The following TARBP1 variants were observed in gnomAD, a reference collection of about 807,000 sequenced individuals.
TARBP1 encodes tRNA (guanosine(18)-2'-O)-methyltransferase TARBP1.
A neutral mutation model predicts 178.6 loss-of-function variants in TARBP1; 144 were observed. That is an observed-to-expected ratio of 0.81 (90% CI 0.70 to 0.93). TARBP1 has a LOEUF of 0.93. TARBP1 is among the 40% of genes least tolerant of loss of function. TARBP1 has a pLI of 0.00. For synonymous variants in TARBP1, 787 were observed against 781.0 expected, an observed-to-expected ratio of 1.01 and a Z score of -0.13; for missense variants, 2,067 against 2,011.7, an observed-to-expected ratio of 1.03 and a Z score of -0.53.
At chr1:234,470,638 A>AG (rs1668951951) in intron 3 of TARBP1, among the ~76,000 whole-genome samples, 1 of 87,268 alleles carries the variant, frequency 1.1e-5, no homozygotes, top group East Asian at 7.4e-3. Context: ...TTTTTTTGAG[A>AG]CGGAGTCTTG....
At chr1:234,458,096 C>A (rs151167848) in intron 8 of TARBP1, among the ~76,000 whole-genome samples, 2,842 of 152,016 alleles carry the variant, frequency 0.019, 93 homozygotes, top group African/African-American at 0.065. Flanking sequence ...GTAATCCCAG[C>A]ACATTGGGAG....
rs1669890363 is a variant in TARBP1 at position 234,479,126 on chromosome 1, GCCCGGGCT to G, written c.-31_-24del. On this transcript the variant is annotated 5_prime_UTR_variant, in exon 1 of 30. Coordinates refer to ENST00000040877, the MANE Select transcript of TARBP1 (RefSeq NM_005646.4). ...CATTTGCCGAGCGCCCGCGCCACCG[GCCCGGGCT>G]CCCAAAGGAAGGCGCCGGCGTGTGC... The G allele has an allele frequency of 1.3e-6, 2 of 1,511,736 alleles. No homozygotes were observed. The highest frequency in any genetic ancestry group is 1.4e-5 in the African/African-American group (1 of 69,072). 93.6% of individuals were successfully genotyped at this position (1,511,736 alleles called of 1,614,324 possible). A position where few individuals can be genotyped will look rare whatever the true frequency, so the allele number is the denominator to read the frequency against.
chr1:234,457,134 A>G (rs1667359178), intron 9 of TARBP1, among the ~76,000 whole-genome samples: 1 of 152,220 alleles, frequency 6.6e-6, no homozygotes, highest in South Asian at 2.1e-4. Flanking sequence ...ACAAGACATC[A>G]TCACAAGGGA....
chr1:234,472,358 C>G (rs1450352056), intron 2 of TARBP1, among the ~76,000 whole-genome samples: 4 of 73,548 alleles, frequency 5.4e-5, no homozygotes, highest in African/African-American at 1.0e-4. Context: ...AAAAAAAAAA[C>G]TCAAAAGTCC....
At chr1:234,433,630 T>C (rs2103145044) in intron 13 of TARBP1, 59 bp from the exon 14 acceptor site, 1 of 1,506,774 alleles carries the variant, frequency 6.6e-7, no homozygotes, top group Non-Finnish European at 9.0e-7. Flanking sequence ...TTCACAAAAC[T>C]ACAAGCCTTC....
At chr1:234,423,787 ACT>A (rs1663388959) in intron 20 of TARBP1, among the ~76,000 whole-genome samples, 1 of 140,934 alleles carries the variant, frequency 7.1e-6, no homozygotes, top group African/African-American at 2.7e-5. Context: ...AGTCTCACTC[ACT>A]GTGTTGCCCA....
chr1:234,461,236 A>G (rs527751734), intron 6 of TARBP1, among the ~76,000 whole-genome samples: 60 of 152,358 alleles, frequency 3.9e-4, no homozygotes, highest in African/African-American at 1.4e-3. Context: ...GTTTAGTAAG[A>G]TAAGTATTCT....
intron 26 of TARBP1, among the ~76,000 whole-genome samples, chr1:234,394,278 A>C (rs575430454): frequency 1.3e-5 from 2 of 152,352 alleles, no homozygotes; most frequent in African/African-American, 4.8e-5. Context: ...AAAATATCTA[A>C]AATAATTTTA....
Position 234,478,757 on chromosome 1 carries a change from A to G in TARBP1, c.347T>C (p.Leu116Pro). The stretch of plus-strand genomic sequence containing the variant: ...CGCCTCCTCAGCCAGCGCGGCCGCC[A>G]GCTGCGGACGCCCGGCCAGGCGGAC... The part of the protein sequence containing the change: ...SCVRLAGRPQ[L>P]AAALAEEALR... Residue 116 changes from leucine (L) to proline (P), a missense_variant, in exon 1 of 30, where the codon CTG (leucine) becomes CCG (proline). Coordinates refer to ENST00000040877, the MANE Select transcript of TARBP1 (RefSeq NM_005646.4). 8.8e-7 allele frequency: 1 copy of G among 1,134,858 alleles called. No individual in the cohort carries two copies. Among genetic ancestry groups the G allele is most frequent in the Non-Finnish European group, 1.1e-6 (1 of 928,698 alleles). 70.3% of individuals were successfully genotyped at this position (1,134,858 alleles called of 1,614,324 possible).
chr1:234,398,371 T>C lies in TARBP1; in HGVS notation c.4243+11A>G, dbSNP rs746873959. ...ACAAGGGGAAAAAATAAAATGAAAA[T>C]TATTTTTTACCTATGTCTTGCTGAG... On this transcript the variant is annotated intron_variant, in intron 26 of 29. Transcript: ENST00000040877. 3 of 1,555,642 alleles carry C rather than the reference T, an allele frequency of 1.9e-6. No homozygotes were observed.
At chr1:234,445,071 G>C (rs1303797480) in intron 12 of TARBP1, among the ~76,000 whole-genome samples, 1 of 152,012 alleles carries the variant, frequency 6.6e-6, no homozygotes, top group Non-Finnish European at 1.5e-5. Context: ...GCCCCAAATT[G>C]CTTCCGTTGA....
Position 234,478,481 on chromosome 1 carries a change from C to A in TARBP1, c.623G>T (p.Arg208Leu). 1 of 1,381,914 alleles carries A rather than the reference C, an allele frequency of 7.2e-7. No homozygotes were observed. The highest frequency in any genetic ancestry group is 1.5e-5 in the South Asian group (1 of 68,302). The allele number at this position is 1,381,914 out of a possible 1,614,324, so 85.6% of individuals were successfully genotyped here. A position where few individuals can be genotyped will look rare whatever the true frequency, so the allele number is the denominator to read the frequency against. ...CGCGGCCAGCCCGCCCCACACGGCCCGCAGCGCCGCCCCGCCACATTGGAC... is the reference window on the plus strand; with the variant it reads ...CGCGGCCAGCCCGCCCCACACGGCCAGCAGCGCCGCCCCGCCACATTGGAC... ...VLVQCGGAAL[R>L]AVWGGLAAPG... Residue 208 changes from arginine to leucine, a missense_variant, in exon 1 of 30, where the codon CGG becomes CTG. By Grantham distance (102) the Arg-to-Leu change is moderately radical. Transcript: ENST00000040877.
chr1:234,420,839 C>T lies in TARBP1; in HGVS notation c.3445-27G>A, dbSNP rs749799610. 2.3e-6 allele frequency: 3 copies of T among 1,291,446 alleles called. No homozygotes were observed. In the Admixed American group the frequency reaches 5.8e-5, roughly 25 times the overall value. The allele number at this position is 1,291,446 out of a possible 1,614,324, so 80.0% of individuals were successfully genotyped here. ...TGGAAAGGAGAAGGGAGGGAGTCAA[C>T]ATTAAATTATCTATTGAATTTGTGA... On this transcript the variant is annotated intron_variant, in intron 20 of 29. Transcript: ENST00000040877.
intron 24 of TARBP1, among the ~76,000 whole-genome samples, chr1:234,404,028 A>G (rs1660969968): frequency 6.6e-6 from 1 of 152,176 alleles, no homozygotes; most frequent in Non-Finnish European, 1.5e-5. Context: ...CCTACCTGGT[A>G]CTGAGATTTT....
chr1:234,468,972 CAA>C (rs2103294280), intron 3 of TARBP1, among the ~76,000 whole-genome samples: 1 of 148,858 alleles, frequency 6.7e-6, no homozygotes, highest in East Asian at 2.1e-4. Context: ...ATGGAAAACA[CAA>C]AAGTCAGGTG....
chr1:234,393,901 T>C, intron 26 of TARBP1, 64 bp from the exon 27 acceptor site: 1 of 1,154,054 alleles, frequency 8.7e-7, no homozygotes, highest in South Asian at 1.7e-5. Flanking sequence ...TATTTATGTA[T>C]ACATGTATAT....
intron 21 of TARBP1, among the ~76,000 whole-genome samples, chr1:234,419,926 A>C (rs780663468): frequency 1.3e-5 from 2 of 152,198 alleles, no homozygotes; most frequent in Non-Finnish European, 2.9e-5. Context: ...TAAGATTGTA[A>C]AGAAAGAGGC....
Position 234,479,130 on chromosome 1 carries a change from G to T in TARBP1, c.-27C>A. Reference sequence around the variant, plus strand: ...TGCCGAGCGCCCGCGCCACCGGCCCGGGCTCCCAAAGGAAGGCGCCGGCGT... The same window carrying T: ...TGCCGAGCGCCCGCGCCACCGGCCCTGGCTCCCAAAGGAAGGCGCCGGCGT... On this transcript the variant is annotated 5_prime_UTR_variant, in exon 1 of 30. Coordinates refer to ENST00000040877, the MANE Select transcript of TARBP1 (RefSeq NM_005646.4). 6.6e-7 allele frequency: 1 copy of T among 1,508,600 alleles called. No homozygotes were observed. The highest frequency in any genetic ancestry group is 2.7e-5 in the East Asian group (1 of 36,576). 93.5% of individuals were successfully genotyped at this position (1,508,600 alleles called of 1,614,324 possible).
chr1:234,468,327 G>A (rs911909113), intron 3 of TARBP1, among the ~76,000 whole-genome samples: 6 of 152,090 alleles, frequency 3.9e-5, no homozygotes, highest in Non-Finnish European at 7.4e-5. Context: ...GGTGGTGTAT[G>A]CCTGTAATCC....
Sources: allele counts gnomAD v4.1 joint callset (sites outside exome capture counted in the v4.1 genomes callset), GRCh38; gene constraint gnomAD v4.1.1; transcripts MANE v1.5; gene names NCBI Gene and HGNC (gene_info 2026-07-23, HGNC 2026-07-21).